MACF1: variants seen among roughly 807,000 people sequenced by gnomAD.
The protein encoded by MACF1 is microtubule-actin cross-linking factor 1.
A neutral mutation model predicts 854.8 loss-of-function variants in MACF1; 193 were observed. The observed-to-expected ratio is 0.23, with a 90% CI of 0.20 to 0.25. The LOEUF (loss-of-function observed/expected upper bound fraction) is 0.25, where lower values mean the gene tolerates loss of function less well. Ranked by LOEUF, MACF1 falls within the 10% of genes least tolerant of loss-of-function variation. MACF1 has a pLI of 1.00. For synonymous variants in MACF1, 3,185 were observed against 3,226.7 expected, an observed-to-expected ratio of 0.99 and a Z score of 0.44; for missense variants, 7,722 against 8,929.1, an observed-to-expected ratio of 0.86 and a Z score of 5.45.
intron 58 of MACF1, among the ~76,000 whole-genome samples, chr1:39,407,177 A>G (rs997844574): frequency 3.3e-5 from 5 of 152,146 alleles, no homozygotes; most frequent in Admixed American, 2.6e-4. Context: ...TTTAGGGGAC[A>G]CTCTATTCTT....
At chr1:39,439,530 G>A (rs1445082070) in intron 72 of MACF1, 30 bp downstream of exon 72, 1 of 1,566,452 alleles carries the variant, frequency 6.4e-7, no homozygotes, top group Non-Finnish European at 8.8e-7. Context: ...CTTTTTCTTA[G>A]GTGTCTGTCC....
intron 41 of MACF1, 117 bp downstream of exon 41, chr1:39,347,327 A>G: frequency 1.3e-6 from 1 of 763,798 alleles, no homozygotes. Context: ...CCAATTTTGA[A>G]ATTTCATGTC....
At chr1:39,257,771 GTT>G (rs1258496819) in intron 5 of MACF1, 163 bp from the exon 6 acceptor site, 1 of 582,950 alleles carries the variant, frequency 1.7e-6, no homozygotes, top group African/African-American at 1.9e-5. Context: ...TGATGAAACT[GTT>G]TTGTGGTGGT....
chr1:39,336,259 C>T lies in MACF1; in HGVS notation c.9671C>T (p.Thr3224Ile). 1 of 1,614,062 alleles carries T rather than the reference C, an allele frequency of 6.2e-7. No individual in the cohort carries two copies. The highest frequency in any genetic ancestry group is 8.5e-7 in the Non-Finnish European group (1 of 1,179,986). The change falls in exon 37 of 101, where the codon ACT (threonine) becomes ATT (isoleucine). Residue 3224 changes from threonine (T) to isoleucine (I), a missense_variant. Around this residue, in one of 15 missense-constraint regions of MACF1, gnomAD observed 854 missense variants for 852.6 expected, o/e 1.00. Coordinates refer to ENST00000564288, the MANE Select transcript of MACF1 (RefSeq NM_001394062.1). ...AAAAGTGATGATAAACTTTGTGGAA[C>T]TCTCAAATCTGAAATAGCAACACAG... ...GSKSDDKLCGTLKSEIATQEL... is the reference protein window; with the variant it reads ...GSKSDDKLCGILKSEIATQEL...
At chr1:39,445,615 T>C (rs940230696) in intron 80 of MACF1, among the ~76,000 whole-genome samples, 1 of 152,176 alleles carries the variant, frequency 6.6e-6, no homozygotes, top group Admixed American at 6.5e-5. Flanking sequence ...TAGCATGGGA[T>C]TGGGTAATTT....
At chr1:39,209,827 G>A (rs959364844) in intron 1 of MACF1, among the ~76,000 whole-genome samples, 2 of 152,022 alleles carry the variant, frequency 1.3e-5, no homozygotes, top group African/African-American at 4.8e-5. Context: ...GGTGGTTCAC[G>A]CCTGTAATCC....
rs1557587978 is a variant in MACF1, at chr1:39,324,331, A to G, written c.4375A>G (p.Ile1459Val). The change falls in exon 34 of 101, where the codon ATT becomes GTT. Residue 1459 changes from isoleucine to valine, a missense_variant. This residue lies in a region of MACF1 where 1,531 missense variants were observed against 1,601.6 expected (regional missense o/e 0.96). Coordinates refer to ENST00000564288, the MANE Select transcript of MACF1 (RefSeq NM_001394062.1). ...TKESTDIEKA[I>V]LEQQVLSEEL... ...AGAATCAACAGACATTGAAAAAGCT[A>G]TTTTGGAACAGCAGGTGAGAAGAAG... The G allele has an allele frequency of 1.9e-6, 3 of 1,613,736 alleles. No individual in the cohort carries two copies. Among genetic ancestry groups the G allele is most frequent in the Non-Finnish European group, 2.5e-6 (3 of 1,179,816 alleles).
chr1:39,194,351 C>CTTTTT (rs749853544), intron 2 of MACF1, among the ~76,000 whole-genome samples: 7 of 35,518 alleles, frequency 2.0e-4, no homozygotes, highest in African/African-American at 4.7e-4. Flanking sequence ...CTTTTCTTTT[C>CTTTTT]TTTTTTTTTT....
intron 40 of MACF1, among the ~76,000 whole-genome samples, chr1:39,343,906 G>A (rs1448477312): frequency 4.0e-5 from 6 of 151,476 alleles, no homozygotes; most frequent in South Asian, 2.1e-4. Flanking sequence ...ACCTGAGGTC[G>A]GGAGTTTGAG....
intron 2 of MACF1, among the ~76,000 whole-genome samples, chr1:39,236,246 C>T (rs1366731719): frequency 1.3e-5 from 2 of 152,186 alleles, no homozygotes; most frequent in African/African-American, 4.8e-5. Flanking sequence ...GTGCTCTTAA[C>T]CCATGCAGAA....
At chr1:39,439,650 G>T (rs1264155109) in intron 72 of MACF1, 150 bp downstream of exon 72, 10 of 629,404 alleles carry the variant, frequency 1.6e-5, no homozygotes, top group Middle Eastern at 3.0e-4. Flanking sequence ...TTGTCCCCAA[G>T]GCTGGAGTGC....
At chr1:39,286,607 CAGGAG>C (rs1645649187) in intron 14 of MACF1, among the ~76,000 whole-genome samples, 1 of 151,332 alleles carries the variant, frequency 6.6e-6, no homozygotes. Context: ...GCTGGGAGTA[CAGGAG>C]TGCACCACCA....
chr1:39,347,496 A>C (rs780106457), intron 41 of MACF1, among the ~76,000 whole-genome samples: 1 of 152,052 alleles, frequency 6.6e-6, no homozygotes, highest in Non-Finnish European at 1.5e-5. Flanking sequence ...GCTGTATCTC[A>C]TTGTCTCTGA....
intron 61 of MACF1, 81 bp from the exon 62 acceptor site, chr1:39,427,374 A>G: frequency 1.7e-6 from 2 of 1,192,012 alleles, no homozygotes; most frequent in Admixed American, 2.3e-5. Flanking sequence ...GGAAAAGACT[A>G]TTCTTTTACT....
rs199851077 is a variant in MACF1 at position 39,388,228 on chromosome 1, G to A, written c.15386G>A (p.Arg5129Gln). 102 of 1,614,186 alleles carry A rather than the reference G, an allele frequency of 6.3e-5. 1 individual carries two copies. In the South Asian group the frequency reaches 6.4e-4, roughly 10 times the overall value. ...EGIGQFHCRVREMFSQLADLD... is the reference protein window; with the variant it reads ...EGIGQFHCRVQEMFSQLADLD... ...ATTGGCCAGTTTCACTGCCGGGTCCGAGAGATGTTCTCTCAATTGGCAGAC... is the reference window on the plus strand; with the variant it reads ...ATTGGCCAGTTTCACTGCCGGGTCCAAGAGATGTTCTCTCAATTGGCAGAC... Residue 5129 changes from arginine to glutamine, a missense_variant, in exon 58 of 101, where the codon CGA becomes CAA. Transcript: ENST00000564288.
chr1:39,290,716 G>A (rs1295941512), intron 15 of MACF1, among the ~76,000 whole-genome samples: 7 of 141,982 alleles, frequency 4.9e-5, no homozygotes, highest in Non-Finnish European at 9.1e-5. Context: ...TGCCCAAACT[G>A]GAGTGCAATG....
rs183443732 is a variant in MACF1 at position 39,453,793 on chromosome 1, C to T, written c.20829C>T (p.Pro6943=). ...AAGTCATCCTGGCTGTCTGCCACCC[C>T]GATTGCATCACAACCATCAAACACT... is the stretch of plus-strand genomic sequence containing the variant. ...MGEVILAVCH[P]DCITTIKHWI... The change falls in exon 88 of 101, where the codon CCC becomes CCT. Residue 6943 remains proline (P), a synonymous_variant. Transcript: ENST00000564288. 2.4e-5 allele frequency: 38 copies of T among 1,614,050 alleles called. 1 individual carries two copies. In the South Asian group the frequency reaches 3.1e-4, roughly 13 times the overall value.
rs1251848515 is a variant in MACF1 at position 39,422,408 on chromosome 1, T to C, written c.15851T>C (p.Met5284Thr). ...AAAGAACAAGTGGATCCTCTTCAGA[T>C]GAAATTGCAGCAGGTGAATGGACTT... ...FQKEQVDPLQ[M>T]KLQQVNGLGQ... Residue 5284 changes from methionine (M) to threonine (T), a missense_variant, in exon 59 of 101, where the codon ATG becomes ACG. Met to Thr is a moderately conservative substitution (Grantham distance 81). Around this residue, in one of 15 missense-constraint regions of MACF1, gnomAD observed 2,807 missense variants for 3,235.8 expected, o/e 0.87. Transcript: ENST00000564288. 1 of 1,614,124 alleles carries C rather than the reference T, an allele frequency of 6.2e-7. No homozygotes were observed. The highest frequency in any genetic ancestry group is 8.5e-7 in the Non-Finnish European group (1 of 1,179,982).
intron 2 of MACF1, among the ~76,000 whole-genome samples, chr1:39,125,679 T>C (rs1375156835): frequency 6.6e-6 from 1 of 152,210 alleles, no homozygotes; most frequent in Non-Finnish European, 1.5e-5. Flanking sequence ...TTTTAAATAA[T>C]CCATCTTTTT....
Sources: allele counts gnomAD v4.1 joint callset (sites outside exome capture counted in the v4.1 genomes callset), GRCh38; gene constraint gnomAD v4.1.1; regional missense constraint gnomAD v4.1.1; transcripts MANE v1.5; gene names NCBI Gene and HGNC (gene_info 2026-07-23, HGNC 2026-07-21).